The following GPC6 variants were observed in gnomAD, a reference collection of about 807,000 sequenced individuals.
The protein encoded by GPC6 is glypican 6, also known as glypican-6.
In GPC6, 14 loss-of-function variants were observed where a neutral mutation model predicts 55.2. The observed-to-expected ratio is 0.25, with a 90% CI of 0.17 to 0.40. The LOEUF (loss-of-function observed/expected upper bound fraction) is 0.40, where lower values mean the gene tolerates loss of function less well. Ranked by LOEUF, GPC6 falls within the 10% of genes least tolerant of loss-of-function variation. GPC6 has a pLI of 1.00. For missense variants in GPC6, 641 were observed against 708.5 expected (o/e 0.90, Z 1.08); for synonymous variants, 278 against 259.6 (o/e 1.07, Z -0.68).
intron 2 of GPC6, among the ~76,000 whole-genome samples, chr13:93,631,764 T>C (rs1329696941): frequency 1.3e-5 from 2 of 152,232 alleles, no homozygotes; most frequent in African/African-American, 4.8e-5. Flanking sequence ...GCATCTAGCA[T>C]ACTTCCTCAA....
At chr13:93,371,027 A>C (rs988689163) in intron 1 of GPC6, among the ~76,000 whole-genome samples, 18 of 152,138 alleles carry the variant, frequency 1.2e-4, no homozygotes, top group African/African-American at 4.3e-4. Flanking sequence ...ACTGGAAAAC[A>C]AATAATCTCT....
intron 1 of GPC6, among the ~76,000 whole-genome samples, chr13:93,468,947 C>G (rs376678789): frequency 9.9e-5 from 15 of 152,168 alleles, no homozygotes; most frequent in African/African-American, 3.6e-4. Context: ...TTGGTTCTTG[C>G]TTTCTCAGAG....
chr13:93,832,867 GACC>G (rs1360687698), intron 3 of GPC6, among the ~76,000 whole-genome samples: 1 of 152,112 alleles, frequency 6.6e-6, no homozygotes, highest in Non-Finnish European at 1.5e-5. Flanking sequence ...ATCCCTTCAA[GACC>G]ACCATTCTTT....
intron 3 of GPC6, among the ~76,000 whole-genome samples, chr13:93,894,056 C>T (rs549167897): frequency 7.9e-5 from 12 of 152,264 alleles, no homozygotes; most frequent in African/African-American, 2.6e-4. Flanking sequence ...GCAACACATA[C>T]CCTGTGGTCA....
At position 94,117,820 on chromosome 13, in the gene GPC6, A is replaced by G. The variant is rs111755848; in HGVS notation, c.877+89926A>G. On this transcript the variant is annotated intron_variant, in intron 4 of 8. Coordinates refer to ENST00000377047, the MANE Select transcript of GPC6 (RefSeq NM_005708.5). ...ATTGGGGCAAATGAATAACACAAAT[A>G]CATCTGGTTTTTCATAGGTGAAGAT... Among the ~76,000 whole-genome samples, 872 of 152,216 alleles carry G rather than the reference A, an allele frequency of 5.7e-3. 9 individuals are homozygous for G. Among genetic ancestry groups the G allele is most frequent in the African/African-American group, 0.02 (832 of 41,550 alleles).
At chr13:93,543,600 T>G (rs1882416983) in intron 1 of GPC6, among the ~76,000 whole-genome samples, 1 of 152,288 alleles carries the variant, frequency 6.6e-6, no homozygotes, top group Admixed American at 6.5e-5. Context: ...GAAGGAATGG[T>G]ACCAGTTCCT....
chr13:93,245,933 A>G (rs1415103297), intron 1 of GPC6, among the ~76,000 whole-genome samples: 1 of 152,178 alleles, frequency 6.6e-6, no homozygotes, highest in Non-Finnish European at 1.5e-5. Flanking sequence ...GGCTCTCCAC[A>G]TTGCTTTAAA....
At chr13:94,190,867 ATTC>A (rs1025054754) in intron 4 of GPC6, among the ~76,000 whole-genome samples, 1 of 152,150 alleles carries the variant, frequency 6.6e-6, no homozygotes, top group Non-Finnish European at 1.5e-5. Flanking sequence ...CTCAAATATT[ATTC>A]TTCAGTAGTA....
At chr13:93,509,967 A>G (rs553578158) in intron 1 of GPC6, among the ~76,000 whole-genome samples, 1 of 152,300 alleles carries the variant, frequency 6.6e-6, no homozygotes, top group South Asian at 2.1e-4. Flanking sequence ...TGAATCATAA[A>G]TTGAATTTCT....
intron 3 of GPC6, among the ~76,000 whole-genome samples, chr13:93,938,893 A>G (rs1366231104): frequency 6.6e-6 from 1 of 152,040 alleles, no homozygotes; most frequent in Non-Finnish European, 1.5e-5. Flanking sequence ...CACAAAGTCA[A>G]GAGATGGAGA....
intron 1 of GPC6, among the ~76,000 whole-genome samples, chr13:93,435,098 A>G (rs1284466494): frequency 6.6e-6 from 1 of 152,020 alleles, no homozygotes; most frequent in African/African-American, 2.4e-5. Context: ...ATGTAAAATA[A>G]TATTGGTTAA....
At chr13:93,244,605 C>T (rs2139019620) in intron 1 of GPC6, among the ~76,000 whole-genome samples, 1 of 152,302 alleles carries the variant, frequency 6.6e-6, no homozygotes, top group South Asian at 2.1e-4. Context: ...CTCCTTCTCC[C>T]CACTGCTCCC....
chr13:93,417,162 G>A (rs1876730367), intron 1 of GPC6, among the ~76,000 whole-genome samples: 1 of 152,134 alleles, frequency 6.6e-6, no homozygotes, highest in South Asian at 2.1e-4. Context: ...ACAGTGGCAT[G>A]AGAAAATGTA....
At chr13:93,314,682 G>A (rs1392219062) in intron 1 of GPC6, among the ~76,000 whole-genome samples, 4 of 151,478 alleles carry the variant, frequency 2.6e-5, no homozygotes, top group Non-Finnish European at 5.9e-5. Flanking sequence ...AGGAAAAAAT[G>A]AGGGCCTAAT....
chr13:94,321,526 C>T (rs1247798040), intron 6 of GPC6, among the ~76,000 whole-genome samples: 1 of 152,170 alleles, frequency 6.6e-6, no homozygotes, highest in Non-Finnish European at 1.5e-5. Context: ...AATTTACACT[C>T]CCACCTGCAA....
chr13:94,132,808 A>G (rs1887046923), intron 4 of GPC6, among the ~76,000 whole-genome samples: 1 of 152,186 alleles, frequency 6.6e-6, no homozygotes, highest in African/African-American at 2.4e-5. Context: ...GATCCACCAA[A>G]TACCGCCTCA....
chr13:93,732,308 T>C (rs2138837900), intron 2 of GPC6, among the ~76,000 whole-genome samples: 1 of 152,164 alleles, frequency 6.6e-6, no homozygotes, highest in East Asian at 1.9e-4. Context: ...CAGCTGACAG[T>C]CCTATCAGCA....
intron 2 of GPC6, among the ~76,000 whole-genome samples, chr13:93,704,863 G>A (rs934243871): frequency 1.3e-5 from 2 of 151,954 alleles, no homozygotes; most frequent in Non-Finnish European, 2.9e-5. Flanking sequence ...ATCTTGTAAT[G>A]ACGTGATGCT....
intron 2 of GPC6, among the ~76,000 whole-genome samples, chr13:93,614,218 C>T (rs371685969): frequency 4.6e-5 from 7 of 152,150 alleles, no homozygotes; most frequent in African/African-American, 1.7e-4. Context: ...TGTATTACTC[C>T]TCAAAAAAAA....
Sources: gnomAD v4.1 joint callset for allele counts (sites outside exome capture counted in the v4.1 genomes callset) on GRCh38, gnomAD v4.1.1 for gene constraint, MANE v1.5 for transcripts, NCBI Gene and HGNC (gene_info 2026-07-23, HGNC 2026-07-21) for gene names.